The following GRIN2A variants were observed in gnomAD, a reference collection of about 807,000 sequenced individuals.
GRIN2A encodes glutamate receptor ionotropic, NMDA 2A.
Under a neutral mutation model 113.4 loss-of-function variants are expected in GRIN2A, and 22 were observed. That is an observed-to-expected ratio of 0.19 (90% confidence interval 0.14 to 0.28). GRIN2A has a LOEUF of 0.28. Among genes scored for constraint, GRIN2A ranks in the 10% least tolerant of loss-of-function variants. The pLI is 1.00. For synonymous variants in GRIN2A, 827 were observed against 738.4 expected (o/e 1.12, Z -1.94); for missense variants, 1,502 against 1,887.0 (o/e 0.80, Z 3.78).
At chr16:9,836,714 G>A (rs952999644) in intron 7 of GRIN2A, among the ~76,000 whole-genome samples, 3 of 152,206 alleles carry the variant, frequency 2.0e-5, no homozygotes, top group African/African-American at 7.2e-5. Context: ...ACACGTGAAT[G>A]CACACACATG....
chr16:10,030,190 A>ATTT (rs1439902744), intron 2 of GRIN2A, among the ~76,000 whole-genome samples: 20 of 142,608 alleles, frequency 1.4e-4, no homozygotes, highest in South Asian at 7.2e-4. Flanking sequence ...TGATTTTTTA[A>ATTT]AAAAAAATCA....
chr16:9,953,515 G>A (rs1227296089), intron 2 of GRIN2A, among the ~76,000 whole-genome samples: 1 of 152,126 alleles, frequency 6.6e-6, no homozygotes, highest in Non-Finnish European at 1.5e-5. Context: ...CCACCAAGAA[G>A]GTGGATAGGC....
At chr16:10,070,076 G>C in intron 2 of GRIN2A, among the ~76,000 whole-genome samples, 1 of 152,072 alleles carries the variant, frequency 6.6e-6, no homozygotes. Context: ...TTCATACCTG[G>C]GACTTCAGTG....
intron 2 of GRIN2A, among the ~76,000 whole-genome samples, chr16:10,021,677 G>A (rs1206948375): frequency 6.6e-6 from 1 of 152,124 alleles, no homozygotes; most frequent in Non-Finnish European, 1.5e-5. Flanking sequence ...GAGGGGAAGA[G>A]CATTCCAGGT....
intron 2 of GRIN2A, among the ~76,000 whole-genome samples, chr16:10,075,932 A>T (rs2047864275): frequency 6.6e-6 from 1 of 152,184 alleles, no homozygotes. Context: ...AGACAGAGGG[A>T]CTCCAGAAAT....
chr16:9,842,774 T>C (rs965076141), intron 5 of GRIN2A, among the ~76,000 whole-genome samples: 11 of 152,040 alleles, frequency 7.2e-5, no homozygotes, highest in African/African-American at 2.7e-4. Context: ...CCATTTTTAC[T>C]AAAAATACAA....
intron 2 of GRIN2A, among the ~76,000 whole-genome samples, chr16:10,081,175 G>A (rs1433185350): frequency 6.6e-6 from 1 of 152,178 alleles, no homozygotes; most frequent in African/African-American, 2.4e-5. Context: ...GTTAGCATGA[G>A]GCAACTGCAC....
chr16:10,027,977 G>C (rs1016534812), intron 2 of GRIN2A, among the ~76,000 whole-genome samples: 5 of 152,128 alleles, frequency 3.3e-5, no homozygotes, highest in Non-Finnish European at 5.9e-5. Flanking sequence ...CATCCACCTG[G>C]CTTCTCACAG....
Position 9,763,803 on chromosome 16 carries a change from G to A in GRIN2A, c.3741C>T (p.Asp1247=). 1 of 1,614,166 alleles carries A rather than the reference G, an allele frequency of 6.2e-7. No individual in the cohort carries two copies. The highest frequency in any genetic ancestry group is 8.5e-7 in the Non-Finnish European group (1 of 1,180,022). The change falls in exon 13 of 13, where the codon GAC becomes GAT. Residue 1247 remains aspartate, a synonymous_variant. Transcript: ENST00000330684. ...CCTGAAGCATCTGGTCTTCATCGAT[G>A]TCATAGAGGTTCCCCATCCGCAGGC... The part of the protein sequence containing the change: ...DACLRMGNLY[D]IDEDQMLQET...
At chr16:9,785,170 CA>C (rs1184599712) in intron 11 of GRIN2A, among the ~76,000 whole-genome samples, 1 of 151,962 alleles carries the variant, frequency 6.6e-6, no homozygotes, top group African/African-American at 2.4e-5. Context: ...TTCACAATAG[CA>C]AAGACTTGGA....
At chr16:10,070,911 TCTC>T (rs1023958042) in intron 2 of GRIN2A, among the ~76,000 whole-genome samples, 5 of 152,164 alleles carry the variant, frequency 3.3e-5, no homozygotes, top group African/African-American at 1.2e-4. Flanking sequence ...CCTCTTTTCC[TCTC>T]CTCCTCTCCC....
chr16:10,088,085 T>C (rs2142073749), intron 2 of GRIN2A, among the ~76,000 whole-genome samples: 1 of 152,234 alleles, frequency 6.6e-6, no homozygotes, highest in Non-Finnish European at 1.5e-5. Context: ...ATCCCATACC[T>C]TGTTGAAAGC....
chr16:9,939,730 A>G (rs2044815750), intron 2 of GRIN2A, among the ~76,000 whole-genome samples: 1 of 152,098 alleles, frequency 6.6e-6, no homozygotes, highest in Non-Finnish European at 1.5e-5. Context: ...CCCCTTTCTG[A>G]CACTCAATCA....
chr16:9,904,953 T>A (rs183241343), intron 3 of GRIN2A, among the ~76,000 whole-genome samples: 5 of 152,204 alleles, frequency 3.3e-5, no homozygotes, highest in African/African-American at 1.2e-4. Context: ...CACTGAGGTG[T>A]TTCCTTTGGC....
At chr16:9,815,299 A>G (rs983163957) in intron 10 of GRIN2A, among the ~76,000 whole-genome samples, 1 of 152,024 alleles carries the variant, frequency 6.6e-6, no homozygotes, top group African/African-American at 2.4e-5. Flanking sequence ...TCAATGTAAT[A>G]GCTAGAATAT....
chr16:9,904,874 C>T (rs1255557600), intron 3 of GRIN2A, among the ~76,000 whole-genome samples: 1 of 152,152 alleles, frequency 6.6e-6, no homozygotes, highest in Admixed American at 6.5e-5. Flanking sequence ...TAGAAGGGGT[C>T]CTATGATAAG....
chr16:10,019,336 TA>T (rs1337128122), intron 2 of GRIN2A, among the ~76,000 whole-genome samples: 2 of 152,178 alleles, frequency 1.3e-5, no homozygotes, highest in Non-Finnish European at 2.9e-5. Context: ...TATTAAGTTG[TA>T]AAAATTAGAA....
intron 2 of GRIN2A, among the ~76,000 whole-genome samples, chr16:10,028,920 G>C (rs2046873916): frequency 6.6e-6 from 1 of 152,182 alleles, no homozygotes; most frequent in Non-Finnish European, 1.5e-5. Context: ...GTCAAATCTT[G>C]TGCTAAGGCA....
intron 2 of GRIN2A, among the ~76,000 whole-genome samples, chr16:9,966,405 T>C (rs907506775): frequency 3.3e-5 from 5 of 152,182 alleles, no homozygotes; most frequent in African/African-American, 1.2e-4. Flanking sequence ...TTCCTAAGGA[T>C]AATGGCCTCC....
Sources: gnomAD v4.1 joint callset for allele counts (sites outside exome capture counted in the v4.1 genomes callset) on GRCh38, gnomAD v4.1.1 for gene constraint, MANE v1.5 for transcripts, NCBI Gene and HGNC (gene_info 2026-07-23, HGNC 2026-07-21) for gene names.